Variants in ZNF438 observed in about 807,000 individuals in gnomAD.
ZNF438 encodes zinc finger protein 438.
Under a neutral mutation model 38.0 loss-of-function variants are expected in ZNF438, and 25 were observed. That is an observed-to-expected ratio of 0.66 (90% CI 0.48 to 0.92). The LOEUF is 0.92. ZNF438 is among the 40% of genes least tolerant of loss of function. The probability of loss-of-function intolerance (pLI) is 0.00; values close to 1 mark genes in which losing one functional copy is unlikely to be tolerated. For missense variants in ZNF438, 1,007 were observed against 999.6 expected (o/e 1.01, Z -0.10); for synonymous variants, 372 against 364.1 (o/e 1.02, Z -0.25).
In ZNF438 at chr10:30,884,972, A is replaced by G. The variant is rs77088980; in HGVS notation, c.-31-7907T>C. Reference sequence around the variant, plus strand: ...TAACTTTAACCCATGTTGTGAGTACATGTATAAGTGCATGCTCTTGTATGT... The same window carrying G: ...TAACTTTAACCCATGTTGTGAGTACGTGTATAAGTGCATGCTCTTGTATGT... On this transcript the variant is annotated intron_variant, in intron 3 of 5. Transcript: ENST00000413025. Among the ~76,000 whole-genome samples, 1,513 of 152,314 alleles carry G rather than the reference A, an allele frequency of 9.9e-3. 26 individuals carry two copies. The highest frequency in any genetic ancestry group is 0.034 in the African/African-American group (1,401 of 41,576).
chr10:30,852,606 A>G (rs2033870257), intron 4 of ZNF438, among the ~76,000 whole-genome samples: 1 of 152,220 alleles, frequency 6.6e-6, no homozygotes. Context: ...TAAACAAGCA[A>G]CCTAGTAGAA....
chr10:30,898,963 A>G (rs549787508), intron 3 of ZNF438, among the ~76,000 whole-genome samples: 66 of 152,318 alleles, frequency 4.3e-4, no homozygotes, highest in African/African-American at 1.5e-3. Flanking sequence ...GGATCTTCAA[A>G]ATCATCACAA....
chr10:30,910,179 G>T (rs1278002740), intron 2 of ZNF438, among the ~76,000 whole-genome samples: 4 of 152,084 alleles, frequency 2.6e-5, no homozygotes, highest in Admixed American at 2.6e-4. Context: ...CTTGGTAAAG[G>T]GGGAAGAAGA....
upstream of ZNF438, chr10:31,031,977 G>A (rs925978711): frequency 6.6e-6 from 1 of 151,840 alleles, no homozygotes. Flanking sequence ...ACGCCCCCGA[G>A]CTCCACGCCC....
chr10:30,976,894 T>C (rs1045034346), intron 1 of ZNF438, among the ~76,000 whole-genome samples: 6 of 152,290 alleles, frequency 3.9e-5, no homozygotes, highest in Admixed American at 2.0e-4. Context: ...AAATCAGTGA[T>C]TTACAACTTT....
At chr10:30,847,631 C>T (rs1477725589) in intron 5 of ZNF438, among the ~76,000 whole-genome samples, 1 of 152,160 alleles carries the variant, frequency 6.6e-6, no homozygotes, top group Non-Finnish European at 1.5e-5. Flanking sequence ...AGCTGCGGCC[C>T]TTTGGGGAGC....
intron 4 of ZNF438, among the ~76,000 whole-genome samples, chr10:30,856,659 T>A (rs1487110779): frequency 6.6e-6 from 1 of 152,192 alleles, no homozygotes; most frequent in African/African-American, 2.4e-5. Context: ...ACATTCATAA[T>A]TTCTGGAAAT....
chr10:30,951,783 A>G (rs1425628084), intron 1 of ZNF438, among the ~76,000 whole-genome samples: 1 of 149,406 alleles, frequency 6.7e-6, no homozygotes, highest in South Asian at 2.1e-4. Context: ...TTCCATGCTC[A>G]TGTGTAGGAA....
chr10:30,910,811 C>A (rs1384655377), intron 2 of ZNF438, among the ~76,000 whole-genome samples: 1 of 151,570 alleles, frequency 6.6e-6, no homozygotes. Context: ...GTTCCTAGGC[C>A]AATCTAAATT....
At position 30,950,256 on chromosome 10, in the gene ZNF438, A is replaced by G. The variant is rs368849399; in HGVS notation, c.-191-8605T>C. On this transcript the variant is annotated intron_variant, in intron 1 of 5. Coordinates refer to ENST00000413025, the Ensembl canonical transcript of ZNF438. ...TGGGACGCATTCAAAGCAGCGTGTA[A>G]AGGGAAATTTATAGCACTAAATGCC... 1.5e-4 allele frequency among the ~76,000 whole-genome samples: 22 copies of G among 151,652 alleles called. No individual in the cohort carries two copies. The South Asian group carries it at 1.7e-3, about 11-fold the overall frequency.
chr10:31,008,614 T>C (rs1295700130), intron 1 of ZNF438, among the ~76,000 whole-genome samples: 1 of 152,240 alleles, frequency 6.6e-6, no homozygotes, highest in Non-Finnish European at 1.5e-5. Flanking sequence ...TATTCCTTTA[T>C]GCTTTTAATG....
At chr10:30,998,604 A>C (rs986982479) in intron 1 of ZNF438, among the ~76,000 whole-genome samples, 1 of 148,518 alleles carries the variant, frequency 6.7e-6, no homozygotes, top group Admixed American at 6.7e-5. Context: ...ATTACTAATG[A>C]TAACAATAGC....
chr10:30,911,990 C>T (rs1339633971), intron 2 of ZNF438, among the ~76,000 whole-genome samples: 1 of 152,126 alleles, frequency 6.6e-6, no homozygotes, highest in Admixed American at 6.5e-5. Context: ...TATTCCTTCT[C>T]TTGTTTATAT....
At chr10:30,996,007 T>C (rs1331338428) in intron 1 of ZNF438, among the ~76,000 whole-genome samples, 1 of 152,018 alleles carries the variant, frequency 6.6e-6, no homozygotes, top group Non-Finnish European at 1.5e-5. Context: ...GAAGTCTATT[T>C]TGCTGAAAGT....
Position 30,868,554 on chromosome 10 carries a change from C to G in ZNF438, c.37+8444G>C, listed in dbSNP as rs1468492485. ...ACAATATGTTTACTCTATTAAAAAG[C>G]ATTACTAGATTTATGAATTTCTATT... On this transcript the variant is annotated intron_variant, in intron 4 of 5. Coordinates refer to ENST00000413025, the Ensembl canonical transcript of ZNF438. 3.3e-5 allele frequency among the ~76,000 whole-genome samples: 5 copies of G among 151,730 alleles called. No individual in the cohort carries two copies. The East Asian group carries it at 9.6e-4, about 29-fold the overall frequency.
At chr10:31,001,456 T>C (rs1318565745) in intron 1 of ZNF438, among the ~76,000 whole-genome samples, 2 of 152,124 alleles carry the variant, frequency 1.3e-5, no homozygotes, top group African/African-American at 2.4e-5. Flanking sequence ...GAGAGTTCAA[T>C]CAGATAATTG....
At chr10:30,916,173 G>A (rs2043608314) in intron 2 of ZNF438, among the ~76,000 whole-genome samples, 1 of 151,964 alleles carries the variant, frequency 6.6e-6, no homozygotes, top group South Asian at 2.1e-4. Context: ...CTCCAAATAA[G>A]GCCACTAATG....
intron 1 of ZNF438, among the ~76,000 whole-genome samples, chr10:31,007,426 T>C (rs1006165559): frequency 1.3e-5 from 2 of 151,820 alleles, no homozygotes; most frequent in Non-Finnish European, 2.9e-5. Context: ...GGATTACAGG[T>C]GCACGCCACC....
At chr10:31,031,172 T>G (rs1275489839) in intron 1 of ZNF438, among the ~76,000 whole-genome samples, 1 of 152,228 alleles carries the variant, frequency 6.6e-6, no homozygotes, top group Non-Finnish European at 1.5e-5. Flanking sequence ...ACAAGATTCC[T>G]GGTCAAATAG....
Sources: gnomAD v4.1 joint callset for allele counts (sites outside exome capture counted in the v4.1 genomes callset) on GRCh38, gnomAD v4.1.1 for gene constraint, MANE v1.5 for transcripts, NCBI Gene and HGNC (gene_info 2026-07-23, HGNC 2026-07-21) for gene names.